RBFOX1: variants seen among roughly 807,000 people sequenced by gnomAD.
RBFOX1 encodes the protein RNA binding fox-1 homolog 1.
RBFOX1 carries 8 observed loss-of-function variants against 57.7 expected under a neutral mutation model. The ratio of observed to expected loss-of-function variants is 0.14; its 90% CI spans 0.08 to 0.25. The LOEUF is 0.25. Among genes scored for constraint, RBFOX1 ranks in the 10% least tolerant of loss-of-function variants. RBFOX1 has a pLI of 1.00. For missense variants in RBFOX1, 611 were observed against 548.5 expected, an observed-to-expected ratio of 1.11 and a Z score of -1.14; for synonymous variants, 326 against 222.4, an observed-to-expected ratio of 1.47 and a Z score of -4.15.
intron 10 of RBFOX1, among the ~76,000 whole-genome samples, chr16:7,621,227 T>C (rs938317790): frequency 9.2e-5 from 14 of 152,208 alleles, no homozygotes; most frequent in Non-Finnish European, 1.5e-5. Flanking sequence ...GCTGAATTGA[T>C]AGACCTCCAC....
At chr16:5,691,744 G>A (rs1029794610) in intron 3 of RBFOX1, among the ~76,000 whole-genome samples, 32 of 152,192 alleles carry the variant, frequency 2.1e-4, no homozygotes, top group African/African-American at 6.5e-4. Context: ...CAAGTAGCCT[G>A]TAATCTTAAA....
rs145454886 is a variant in RBFOX1, at chr16:5,269,689, A to T, written c.219+29584A>T. ...AGGGTTGGTAGGGGCATGGGAGGAT[A>T]GGGGGTGTTAGCTAAAGGGTATGAG... On this transcript the variant is annotated intron_variant, in intron 1 of 2. Coordinates refer to the RBFOX1 transcript ENST00000585867. Among the ~76,000 whole-genome samples, 1,241 of 152,296 alleles carry T rather than the reference A, an allele frequency of 8.1e-3. 15 individuals carry two copies. The highest frequency in any genetic ancestry group is 0.013 in the Non-Finnish European group (893 of 68,016).
intron 1 of RBFOX1, among the ~76,000 whole-genome samples, chr16:5,331,196 T>C (rs2064745885): frequency 6.6e-6 from 1 of 152,218 alleles, no homozygotes; most frequent in South Asian, 2.1e-4. Context: ...ACATTGGTTA[T>C]TTAATCTGTT....
At chr16:6,311,801 G>T (rs2080349082) in intron 1 of RBFOX1, among the ~76,000 whole-genome samples, 1 of 152,126 alleles carries the variant, frequency 6.6e-6, no homozygotes, top group Non-Finnish European at 1.5e-5. Flanking sequence ...TCCAATCTAA[G>T]GTGGCTTCAG....
In RBFOX1 at chr16:6,842,543, G is replaced by C. The variant is rs62017682; in HGVS notation, c.-16+187893G>C. 7.4e-3 allele frequency among the ~76,000 whole-genome samples: 1,115 copies of C among 151,412 alleles called. 12 individuals are homozygous for C. The highest frequency in any genetic ancestry group is 0.013 in the Non-Finnish European group (884 of 67,942). On this transcript the variant is annotated intron_variant, in intron 3 of 15. Coordinates refer to ENST00000550418, the MANE Select transcript of RBFOX1 (RefSeq NM_018723.4). ...GCCCTTTTCAGCTTGATGAATATCT[G>C]TATCAACTTTTTAATGGCTCTGCAG...
At chr16:5,631,158 T>C (rs1020902964) in intron 3 of RBFOX1, among the ~76,000 whole-genome samples, 1 of 152,172 alleles carries the variant, frequency 6.6e-6, no homozygotes, top group African/African-American at 2.4e-5. Flanking sequence ...ATTGAGTATG[T>C]CGGAATTTGC....
intron 1 of RBFOX1, among the ~76,000 whole-genome samples, chr16:5,291,695 A>C (rs1359922422): frequency 1.3e-5 from 2 of 152,216 alleles, no homozygotes; most frequent in Non-Finnish European, 2.9e-5. Context: ...AGGGGAAAAC[A>C]CAGGCCAGTC....
intron 3 of RBFOX1, among the ~76,000 whole-genome samples, chr16:6,916,079 A>AT (rs2073096025): frequency 6.6e-6 from 1 of 152,156 alleles, no homozygotes; most frequent in African/African-American, 2.4e-5. Context: ...CCCAGGGCTT[A>AT]TATACCTTAG....
intron 3 of RBFOX1, among the ~76,000 whole-genome samples, chr16:6,742,414 ATTGT>A (rs1472201986): frequency 2.0e-5 from 3 of 152,186 alleles, no homozygotes; most frequent in Non-Finnish European, 2.9e-5. Context: ...CTTCTGGCAA[ATTGT>A]TTGTAGTTTC....
intron 2 of RBFOX1, among the ~76,000 whole-genome samples, chr16:5,528,842 G>A (rs1445677564): frequency 6.6e-6 from 1 of 152,010 alleles, no homozygotes; most frequent in Non-Finnish European, 1.5e-5. Context: ...TAAAGGTGAG[G>A]TTTCACCATG....
chr16:5,661,213 A>G (rs762794624), intron 3 of RBFOX1, among the ~76,000 whole-genome samples: 28 of 152,080 alleles, frequency 1.8e-4, no homozygotes, highest in Non-Finnish European at 3.4e-4. Context: ...ATTTATTACA[A>G]ACATTCCACA....
At chr16:6,653,540 G>A (rs751947852) in intron 2 of RBFOX1, among the ~76,000 whole-genome samples, 35 of 152,040 alleles carry the variant, frequency 2.3e-4, no homozygotes, top group Admixed American at 6.5e-4. Flanking sequence ...TCACCTTTTC[G>A]TACCAGGACA....
At chr16:6,243,969 C>A (rs2152930995) in intron 1 of RBFOX1, among the ~76,000 whole-genome samples, 1 of 152,266 alleles carries the variant, frequency 6.6e-6, no homozygotes, top group Admixed American at 6.5e-5. Context: ...TAAACTCCTT[C>A]TCATTACACT....
At chr16:7,495,203 T>C (rs1951539246) in intron 4 of RBFOX1, among the ~76,000 whole-genome samples, 1 of 152,210 alleles carries the variant, frequency 6.6e-6, no homozygotes, top group African/African-American at 2.4e-5. Flanking sequence ...CACATTTTCT[T>C]TATCCAGTCC....
chr16:6,038,637 A>C (rs2095401058), intron 1 of RBFOX1: 2 of 147,868 alleles, frequency 1.4e-5, no homozygotes, highest in Admixed American at 1.4e-4. Context: ...ATATATGTGT[A>C]TGAATGAAGC....
At chr16:5,478,953 G>T (rs903253898) in intron 2 of RBFOX1, among the ~76,000 whole-genome samples, 3 of 152,250 alleles carry the variant, frequency 2.0e-5, no homozygotes, top group African/African-American at 7.2e-5. Flanking sequence ...TAGCTGCAGG[G>T]CACCAGATTA....
chr16:6,277,475 A>C (rs1363015927), intron 1 of RBFOX1, among the ~76,000 whole-genome samples: 1 of 151,318 alleles, frequency 6.6e-6, no homozygotes, highest in South Asian at 2.1e-4. Flanking sequence ...AAAAAAAAAA[A>C]AAACCTCAAT....
At chr16:7,370,239 A>G (rs933065850) in intron 4 of RBFOX1, among the ~76,000 whole-genome samples, 1 of 152,152 alleles carries the variant, frequency 6.6e-6, no homozygotes, top group African/African-American at 2.4e-5. Context: ...TAAAGTGGCC[A>G]TTGATTGAGA....
intron 4 of RBFOX1, among the ~76,000 whole-genome samples, chr16:5,895,640 G>A (rs957012544): frequency 6.6e-6 from 1 of 152,154 alleles, no homozygotes; most frequent in Non-Finnish European, 1.5e-5. Flanking sequence ...TGCCACTAAC[G>A]TGCAGTCTAA....
Sources: allele counts gnomAD v4.1 joint callset (sites outside exome capture counted in the v4.1 genomes callset), GRCh38; gene constraint gnomAD v4.1.1; transcripts MANE v1.5; gene names NCBI Gene and HGNC (gene_info 2026-07-23, HGNC 2026-07-21).